Variants in DDX19B observed in about 807,000 individuals in gnomAD.
DDX19B encodes ATP-dependent RNA helicase DDX19B.
DDX19B carries 27 observed loss-of-function variants against 58.1 expected under a neutral mutation model. That is an observed-to-expected ratio of 0.46 (90% CI 0.34 to 0.64). The LOEUF (loss-of-function observed/expected upper bound fraction) is 0.64, where lower values mean the gene tolerates loss of function less well. Ranked by LOEUF, DDX19B falls within the 30% of genes least tolerant of loss-of-function variation. The pLI, the probability that DDX19B is intolerant of heterozygous loss-of-function variation, is 0.01. For missense variants in DDX19B, 399 were observed against 596.5 expected, an observed-to-expected ratio of 0.67 and a Z score of 3.45; for synonymous variants, 187 against 214.4, an observed-to-expected ratio of 0.87 and a Z score of 1.12.
chr16:70,306,991 C>T (rs564851483), intron 1 of DDX19B, among the ~76,000 whole-genome samples: 1 of 152,320 alleles, frequency 6.6e-6, no homozygotes, highest in South Asian at 2.1e-4. Flanking sequence ...TCCTTTGTGA[C>T]TGGCTCCTTT....
intron 1 of DDX19B, among the ~76,000 whole-genome samples, chr16:70,303,848 C>T (rs539055971): frequency 1.3e-5 from 2 of 152,140 alleles, no homozygotes; most frequent in Admixed American, 1.3e-4. Flanking sequence ...CGTGAGCCAC[C>T]GCGCCCGGCC....
At chr16:70,298,276 C>T (rs1209757553), upstream of DDX19B, among the ~76,000 whole-genome samples, 4 of 151,852 alleles carry the variant, frequency 2.6e-5, no homozygotes, top group Admixed American at 1.3e-4. Context: ...CATGGTGGCG[C>T]ATGCTTGTAA....
Position 70,329,430 on chromosome 16 carries a change from C to G in DDX19B, c.746C>G (p.Ala249Gly). 1 of 1,613,950 alleles carries G rather than the reference C, an allele frequency of 6.2e-7. No individual in the cohort carries two copies. ...FVLDEADVMI[A>G]TQGHQDQSIR... ...CTGGATGAGGCTGATGTCATGATAG[C>G]CACTCAGGGCCACCAAGATCAGAGC... Residue 249 changes from alanine to glycine, a missense_variant, in exon 8 of 12, where the codon GCC (alanine) becomes GGC (glycine). Transcript: ENST00000288071.
upstream of DDX19B, chr16:70,299,142 C>T: frequency 2.2e-6 from 3 of 1,363,496 alleles, no homozygotes; most frequent in East Asian, 2.9e-5. Flanking sequence ...GGTGGCCAAA[C>T]AGGAGTGGCC....
chr16:70,307,693 G>GTA (rs1208522569), intron 1 of DDX19B, among the ~76,000 whole-genome samples: 2 of 150,688 alleles, frequency 1.3e-5, no homozygotes, highest in African/African-American at 4.9e-5. Flanking sequence ...GTGTGTGTGT[G>GTA]TATGTATATA....
chr16:70,326,070 T>C (rs1963126149), intron 7 of DDX19B, among the ~76,000 whole-genome samples: 1 of 152,360 alleles, frequency 6.6e-6, no homozygotes, highest in East Asian at 1.9e-4. Flanking sequence ...GTTTATACGT[T>C]GCGTTTGGTT....
intron 1 of DDX19B, 147 bp downstream of exon 1, chr16:70,299,501 G>C (rs1597461439): frequency 2.0e-6 from 2 of 982,334 alleles, no homozygotes; most frequent in East Asian, 3.1e-5. Context: ...AGCTGGCTTT[G>C]TTTACGCAGC....
rs1313985840 is a variant in DDX19B, at chr16:70,325,619, A to G, written c.538A>G (p.Lys180Glu). 1.2e-6 allele frequency: 2 copies of G among 1,614,042 alleles called. No homozygotes were observed. Among genetic ancestry groups the G allele is most frequent in the East Asian group, 2.2e-5 (1 of 44,890 alleles). Residue 180 changes from lysine to glutamate, a missense_variant, in exon 7 of 12, where the codon AAA becomes GAA. By Grantham distance (56) the Lys-to-Glu change is moderately conservative (BLOSUM62 1). Transcript: ENST00000288071. ...PTYELALQTGKVIEQMGKFYP... is the reference protein window; with the variant it reads ...PTYELALQTGEVIEQMGKFYP... Reference sequence around the variant, plus strand: ...GTATGAGCTCGCCCTCCAAACAGGAAAAGTGATTGAACAAATGGGCAAATT... The same window carrying G: ...GTATGAGCTCGCCCTCCAAACAGGAGAAGTGATTGAACAAATGGGCAAATT...
At chr16:70,314,659 A>T (rs1962272910) in intron 2 of DDX19B, 1 of 193,520 alleles carries the variant, frequency 5.2e-6, no homozygotes, top group African/African-American at 2.4e-5. Context: ...GCGAGACTCC[A>T]TCTCAAAAAT....
Position 70,314,901 on chromosome 16 carries a change from G to C in DDX19B, c.107-1G>C, listed in dbSNP as rs766514962. The C allele has an allele frequency of 6.2e-7, 1 of 1,608,970 alleles. No homozygotes were observed. The highest frequency in any genetic ancestry group is 8.5e-7 in the Non-Finnish European group (1 of 1,176,724). ...ATGATGGCCACTTTGTGTCTATAAA[G>C]GTGCTGTTGTCAAGACCAATGCCAA... On this transcript the variant is annotated splice_acceptor_variant, in intron 2 of 11. Coordinates refer to ENST00000288071, the MANE Select transcript of DDX19B (RefSeq NM_007242.7). LOFTEE classifies it high-confidence loss of function.
intron 1 of DDX19B, among the ~76,000 whole-genome samples, chr16:70,307,599 G>C (rs962837889): frequency 6.6e-5 from 10 of 151,532 alleles, no homozygotes; most frequent in Non-Finnish European, 1.5e-4. Context: ...CTGAGCTCAG[G>C]CAATCCATCC....
intron 1 of DDX19B, among the ~76,000 whole-genome samples, chr16:70,303,147 G>GT (rs953311760): frequency 6.6e-6 from 1 of 151,502 alleles, no homozygotes; most frequent in African/African-American, 2.4e-5. Flanking sequence ...TTTTGTTTTT[G>GT]TTTTTTTTGA....
intron 5 of DDX19B, chr16:70,317,995 G>A (rs1404011378): frequency 1.3e-5 from 2 of 152,660 alleles, no homozygotes; most frequent in African/African-American, 4.9e-5. Context: ...AACCCGGGAG[G>A]CAGAGGTTGC....
intron 5 of DDX19B, chr16:70,319,590 T>G (rs951317231): frequency 1.3e-5 from 2 of 151,900 alleles, no homozygotes; most frequent in East Asian, 3.9e-4. Flanking sequence ...TTTTTTTTTG[T>G]CTAAAAATAG....
At chr16:70,306,217 A>G (rs1366616900) in intron 1 of DDX19B, among the ~76,000 whole-genome samples, 1 of 152,002 alleles carries the variant, frequency 6.6e-6, no homozygotes, top group Non-Finnish European at 1.5e-5. Context: ...AGTGGTGTGT[A>G]CATGGCTCAC....
chr16:70,330,901 C>T (rs1963448512), intron 9 of DDX19B, among the ~76,000 whole-genome samples: 1 of 151,852 alleles, frequency 6.6e-6, no homozygotes, highest in Admixed American at 6.6e-5. Flanking sequence ...AAAAATTAGC[C>T]AGGCGTGGTG....
At chr16:70,318,734 T>TA (rs1476371201) in intron 5 of DDX19B, among the ~76,000 whole-genome samples, 1 of 148,056 alleles carries the variant, frequency 6.8e-6, no homozygotes, top group African/African-American at 2.5e-5. Flanking sequence ...AGGCAGGGGT[T>TA]ACAGTGAGCT....
chr16:70,313,537 C>G (rs986649122), intron 2 of DDX19B, among the ~76,000 whole-genome samples: 1 of 152,132 alleles, frequency 6.6e-6, no homozygotes, highest in African/African-American at 2.4e-5. Flanking sequence ...TTAAGTGGGA[C>G]TAATTACTAA....
intron 1 of DDX19B, among the ~76,000 whole-genome samples, chr16:70,311,866 G>A (rs893872087): frequency 4.0e-5 from 6 of 150,964 alleles, no homozygotes; most frequent in African/African-American, 1.2e-4. Flanking sequence ...TTTGTGAGAC[G>A]GAGTTTCACT....
Sources: allele counts gnomAD v4.1 joint callset (sites outside exome capture counted in the v4.1 genomes callset), GRCh38; gene constraint gnomAD v4.1.1; transcripts MANE v1.5; gene names NCBI Gene and HGNC (gene_info 2026-07-23, HGNC 2026-07-21).